The following ANKRD30BL variants were observed in gnomAD, a reference collection of about 807,000 sequenced individuals.
The protein encoded by ANKRD30BL is putative ankyrin repeat domain-containing protein 30B-like.
ANKRD30BL carries 20 observed loss-of-function variants against 18.4 expected under a neutral mutation model. The ratio of observed to expected loss-of-function variants is 1.09; its 90% confidence interval spans 0.77 to 1.58. ANKRD30BL has a LOEUF of 1.58. Among genes scored for constraint, ANKRD30BL ranks in the 40% most tolerant of loss-of-function variants. ANKRD30BL has a pLI of 0.00. For missense variants in ANKRD30BL, 224 were observed against 268.6 expected (o/e 0.83, Z 1.16); for synonymous variants, 72 against 100.9 (o/e 0.71, Z 1.72).
rs1431704395 is a variant in ANKRD30BL at position 132,154,657 on chromosome 2, T to C, written c.614+5A>G. 1 of 699,268 alleles carries C rather than the reference T, an allele frequency of 1.4e-6. No individual in the cohort carries two copies. Among genetic ancestry groups the C allele is most frequent in the South Asian group, 1.6e-5 (1 of 63,766 alleles). The allele number at this position is 699,268 out of a possible 1,614,324, so 43.3% of individuals were successfully genotyped here. Reference sequence around the variant, plus strand: ...AGTGTTTTTTAATAAAAAAAACTACTATACCATTTAAACTTATCAACTGCA... The same window carrying C: ...AGTGTTTTTTAATAAAAAAAACTACCATACCATTTAAACTTATCAACTGCA... On this transcript the variant is annotated splice_donor_5th_base_variant and intron_variant, in intron 4 of 5. Transcript: ENST00000409867.
At chr2:132,185,194 T>G (rs1261193573) in intron 1 of ANKRD30BL, among the ~76,000 whole-genome samples, 2 of 152,182 alleles carry the variant, frequency 1.3e-5, no homozygotes, top group African/African-American at 4.8e-5. Context: ...GATCATGAGG[T>G]CTTAATGCTG....
chr2:132,186,616 A>C (rs1688564472), intron 1 of ANKRD30BL, among the ~76,000 whole-genome samples: 1 of 152,188 alleles, frequency 6.6e-6, no homozygotes, highest in African/African-American at 2.4e-5. Flanking sequence ...GTCTAATTCT[A>C]CATATGAACT....
chr2:132,232,095 G>T (rs956088857), intron 1 of ANKRD30BL, among the ~76,000 whole-genome samples: 3 of 152,010 alleles, frequency 2.0e-5, no homozygotes, highest in Admixed American at 2.0e-4. Flanking sequence ...CACACGGCAG[G>T]GTATTCCAAC....
At chr2:132,254,176 G>T (rs1439293725) in intron 1 of ANKRD30BL, among the ~76,000 whole-genome samples, 1 of 151,824 alleles carries the variant, frequency 6.6e-6, no homozygotes, top group East Asian at 1.9e-4. Context: ...ATCCCCACAC[G>T]CATGTCTCTT....
intron 1 of ANKRD30BL, among the ~76,000 whole-genome samples, chr2:132,237,440 G>T (rs562063793): frequency 1.3e-5 from 2 of 151,862 alleles, no homozygotes; most frequent in East Asian, 3.9e-4. Context: ...TTGGAAACGG[G>T]AATATCTTCA....
chr2:132,184,684 G>A (rs76630839), intron 1 of ANKRD30BL, among the ~76,000 whole-genome samples: 28 of 151,796 alleles, frequency 1.8e-4, no homozygotes, highest in East Asian at 7.8e-4. Context: ...AGAATGAAAC[G>A]CATCATCCTA....
At chr2:132,227,777 A>G (rs548445055) in intron 1 of ANKRD30BL, among the ~76,000 whole-genome samples, 3 of 152,086 alleles carry the variant, frequency 2.0e-5, no homozygotes. Context: ...TGTGCCTTCA[A>G]CTCAAATAGC....
Position 132,219,958 on chromosome 2 carries a change from T to C in ANKRD30BL, n.441+37571A>G, listed in dbSNP as rs1679624615. Among the ~76,000 whole-genome samples the C allele has an allele frequency of 2.0e-5, 3 of 151,936 alleles. No individual in the cohort carries two copies. In the South Asian group the frequency reaches 6.2e-4, roughly 32 times the overall value. ...TTTTGCAGAATCTGCAAGTGGACAT[T>C]TGGAGCGCCTTGAGGCCTATGGTGG... On this transcript the variant is annotated intron_variant and non_coding_transcript_variant, in intron 1 of 4. Coordinates refer to the ANKRD30BL transcript ENST00000470729.
chr2:132,256,818 T>G, intron 1 of ANKRD30BL: 2 of 355,016 alleles, frequency 5.6e-6, no homozygotes, highest in South Asian at 2.1e-5. Context: ...CAGAGCCGGG[T>G]TTGGTCCCAG....
At chr2:132,200,408 C>T (rs1356185171) in intron 1 of ANKRD30BL, among the ~76,000 whole-genome samples, 3 of 151,984 alleles carry the variant, frequency 2.0e-5, no homozygotes, top group Non-Finnish European at 4.4e-5. Flanking sequence ...TTGTCTCAGC[C>T]CAAAATCTCC....
chr2:132,248,562 A>C (rs1433855664), intron 1 of ANKRD30BL, among the ~76,000 whole-genome samples: 1 of 152,150 alleles, frequency 6.6e-6, no homozygotes, highest in South Asian at 2.1e-4. Context: ...ATGGATGCAC[A>C]TATCACAAAG....
intron 1 of ANKRD30BL, among the ~76,000 whole-genome samples, chr2:132,198,315 TCTTTCTTTC>T (rs1245677366): frequency 0.17 from 3,094 of 17,888 alleles, 190 homozygotes; most frequent in Non-Finnish European, 0.23. Flanking sequence ...TTTCTTTCTT[TCTTTCTTTC>T]TTTTTTTTTT....
At chr2:132,210,833 A>T (rs932198227) in intron 1 of ANKRD30BL, among the ~76,000 whole-genome samples, 36 of 150,578 alleles carry the variant, frequency 2.4e-4, no homozygotes, top group Non-Finnish European at 1.5e-4. Flanking sequence ...TAGTATCTGC[A>T]AGTGGATATT....
intron 1 of ANKRD30BL, among the ~76,000 whole-genome samples, chr2:132,187,197 T>TTG (rs1261601086): frequency 6.9e-6 from 1 of 144,404 alleles, no homozygotes; most frequent in African/African-American, 2.6e-5. Context: ...TGTTTTTTTT[T>TTG]TTTTTTTTTT....
intron 1 of ANKRD30BL, among the ~76,000 whole-genome samples, chr2:132,189,130 C>A (rs1241714654): frequency 6.6e-6 from 1 of 152,154 alleles, no homozygotes; most frequent in East Asian, 1.9e-4. Context: ...AAAGCCCCAG[C>A]AGTTGATTCA....
intron 1 of ANKRD30BL, among the ~76,000 whole-genome samples, chr2:132,210,397 C>T (rs181921250): frequency 4.6e-5 from 7 of 151,706 alleles, no homozygotes; most frequent in Admixed American, 6.6e-5. Flanking sequence ...TGGAAGCATT[C>T]TGAGAAACTT....
Position 132,154,644 on chromosome 2 carries a change from T to A in ANKRD30BL, c.614+18A>T, listed in dbSNP as rs1254567327. On this transcript the variant is annotated intron_variant, in intron 4 of 5. Transcript: ENST00000409867. Reference sequence around the variant, plus strand: ...AGCACACTACTCAAGTGTTTTTTAATAAAAAAAACTACTATACCATTTAAA... The same window carrying A: ...AGCACACTACTCAAGTGTTTTTTAAAAAAAAAAACTACTATACCATTTAAA... 1.6e-6 allele frequency: 1 copy of A among 643,104 alleles called. No individual in the cohort carries two copies. Among genetic ancestry groups the A allele is most frequent in the Non-Finnish European group, 2.8e-6 (1 of 351,880 alleles). The allele number at this position is 643,104 out of a possible 1,614,324, so 39.8% of individuals were successfully genotyped here.
chr2:132,169,369 C>T (rs1189611882), intron 1 of ANKRD30BL, among the ~76,000 whole-genome samples: 4 of 152,066 alleles, frequency 2.6e-5, no homozygotes, highest in Non-Finnish European at 5.9e-5. Flanking sequence ...TGAATGGTGG[C>T]GGGGTGCGGT....
At chr2:132,253,567 C>T (rs1573899662) in intron 1 of ANKRD30BL, among the ~76,000 whole-genome samples, 1 of 152,120 alleles carries the variant, frequency 6.6e-6, no homozygotes, top group Non-Finnish European at 1.5e-5. Context: ...CACGACAGCA[C>T]GATGGCCACT....
Sources: gnomAD v4.1 joint callset for allele counts (sites outside exome capture counted in the v4.1 genomes callset) on GRCh38, gnomAD v4.1.1 for gene constraint, MANE v1.5 for transcripts, NCBI Gene and HGNC (gene_info 2026-07-23, HGNC 2026-07-21) for gene names.